LRRFIP1: variants seen among roughly 807,000 people sequenced by gnomAD.
The protein encoded by LRRFIP1 is leucine-rich repeat flightless-interacting protein 1.
In LRRFIP1, 62 loss-of-function variants were observed where a neutral mutation model predicts 104.4. That is an observed-to-expected ratio of 0.59 (90% CI 0.48 to 0.73). The LOEUF is 0.73. Among genes scored for constraint, LRRFIP1 ranks in the 30% least tolerant of loss-of-function variants. The probability of loss-of-function intolerance (pLI) is 0.00; values close to 1 mark genes in which losing one functional copy is unlikely to be tolerated. For synonymous variants in LRRFIP1, 300 were observed against 299.0 expected (o/e 1.00, Z -0.03); for missense variants, 796 against 824.5 (o/e 0.97, Z 0.42).
chr2:237,746,351 G>T (rs577335498), intron 11 of LRRFIP1, among the ~76,000 whole-genome samples: 19 of 152,190 alleles, frequency 1.2e-4, no homozygotes, highest in African/African-American at 4.6e-4. Context: ...GAGCTACCGC[G>T]CCTGGCCTTG....
chr2:237,650,718 TGGA>T (rs2085800907), intron 1 of LRRFIP1, among the ~76,000 whole-genome samples: 1 of 152,104 alleles, frequency 6.6e-6, no homozygotes, highest in African/African-American at 2.4e-5. Context: ...GCTGCAGAGG[TGGA>T]GAAGTATTTG....
rs1446315708 is a variant in LRRFIP1, at chr2:237,769,773, CT to C, written c.1460-169del. 9.0e-5 allele frequency: 55 copies of C among 611,610 alleles called. No individual in the cohort carries two copies. In the Admixed American group the frequency reaches 1.4e-3, roughly 16 times the overall value. The allele number at this position is 611,610 out of a possible 1,614,324, so 37.9% of individuals were successfully genotyped here. ...GGGAGGTTGACCCAACCTCCTTTGG[CT>C]GTGGCCTCATTCACCCCGTCCTGTC... On this transcript the variant is annotated intron_variant, in intron 19 of 23. Coordinates refer to ENST00000308482, the MANE Select transcript of LRRFIP1 (RefSeq NM_001137550.2).
chr2:237,638,295 G>A (rs1817894), intron 1 of LRRFIP1, among the ~76,000 whole-genome samples: 38,828 of 152,076 alleles, frequency 0.26, 5,275 homozygotes, highest in East Asian at 0.43. Flanking sequence ...CCTCATATGC[G>A]CAGTTCACAA....
chr2:237,679,542 A>G (rs936980641), intron 1 of LRRFIP1, among the ~76,000 whole-genome samples: 42 of 152,236 alleles, frequency 2.8e-4, no homozygotes, highest in African/African-American at 8.9e-4. Flanking sequence ...GTCAGTCTCA[A>G]ACTGAGAGTT....
chr2:237,737,196 C>T (rs1450712381), intron 10 of LRRFIP1, among the ~76,000 whole-genome samples: 1 of 152,218 alleles, frequency 6.6e-6, no homozygotes, highest in Non-Finnish European at 1.5e-5. Context: ...TAGTCATCAC[C>T]AGTGGCATTG....
chr2:237,692,828 T>C lies in LRRFIP1; in HGVS notation c.97-15716T>C, dbSNP rs188262237. ...GACAGGCTCTGACCAGGTCTGCGCCTGGCCTGGAGTCACAGGGAGCTGCTA... is the reference window on the plus strand; with the variant it reads ...GACAGGCTCTGACCAGGTCTGCGCCCGGCCTGGAGTCACAGGGAGCTGCTA... On this transcript the variant is annotated intron_variant, in intron 1 of 23. Transcript: ENST00000308482. Among the ~76,000 whole-genome samples the C allele has an allele frequency of 3.1e-3, 470 of 152,384 alleles. 11 individuals are homozygous for C. In the East Asian group the frequency reaches 0.046, roughly 15 times the overall value.
chr2:237,722,918 G>C (rs1041434440), intron 6 of LRRFIP1, among the ~76,000 whole-genome samples: 1 of 152,126 alleles, frequency 6.6e-6, no homozygotes, highest in Non-Finnish European at 1.5e-5. Flanking sequence ...GTGAGGACTG[G>C]CATCTCGCTC....
At chr2:237,675,550 CT>C (rs2091030039) in intron 1 of LRRFIP1, among the ~76,000 whole-genome samples, 1 of 152,186 alleles carries the variant, frequency 6.6e-6, no homozygotes, top group Non-Finnish European at 1.5e-5. Context: ...TTGCCGTTTC[CT>C]GGGCTGGGTT....
At position 237,642,064 on chromosome 2, in the gene LRRFIP1, G is replaced by A. The variant is rs73999199; in HGVS notation, c.96+14324G>A. Among the ~76,000 whole-genome samples the A allele has an allele frequency of 8.0e-3, 1,218 of 152,246 alleles. 19 individuals carry two copies. Among genetic ancestry groups the A allele is most frequent in the African/African-American group, 0.028 (1,148 of 41,540 alleles). ...GTAGAGGGTCAGCATTGGGTGCTGC[G>A]GCCAGGCGACCTCCTCAGACAAGCG... On this transcript the variant is annotated intron_variant, in intron 1 of 23. Transcript: ENST00000308482.
In LRRFIP1 at chr2:237,756,188, G is replaced by A. The variant is rs1490360040; in HGVS notation, c.1131+1G>A. 6.2e-7 allele frequency: 1 copy of A among 1,610,518 alleles called. No individual in the cohort carries two copies. The highest frequency in any genetic ancestry group is 2.2e-5 in the East Asian group (1 of 44,824). ...GAAGCAAAGAGAGGAAATGCTCGAG[G>A]TAGGTAGCATTCTCCTGCTTTTCTT... On this transcript the variant is annotated splice_donor_variant, in intron 16 of 23. Coordinates refer to ENST00000308482, the MANE Select transcript of LRRFIP1 (RefSeq NM_001137550.2). LOFTEE classifies it high-confidence loss of function.
At chr2:237,764,767 A>G (rs973611357) in intron 19 of LRRFIP1, 17 of 986,102 alleles carry the variant, frequency 1.7e-5, no homozygotes, top group Non-Finnish European at 2.0e-5. Context: ...CCTTTACCTC[A>G]TATGAGTCTT....
At chr2:237,696,403 G>A (rs2093188193) in intron 1 of LRRFIP1, among the ~76,000 whole-genome samples, 1 of 152,148 alleles carries the variant, frequency 6.6e-6, no homozygotes, top group South Asian at 2.1e-4. Context: ...GGGTGCCTTA[G>A]CATGCTTGTC....
chr2:237,685,115 C>A (rs56239760), intron 1 of LRRFIP1, among the ~76,000 whole-genome samples: 3 of 25,682 alleles, frequency 1.2e-4, no homozygotes, highest in Non-Finnish European at 2.8e-4. Flanking sequence ...CCCTCCCCCC[C>A]CCACACAAAA....
intron 1 of LRRFIP1, among the ~76,000 whole-genome samples, chr2:237,651,395 A>G (rs1275616698): frequency 6.6e-6 from 1 of 152,252 alleles, no homozygotes; most frequent in Non-Finnish European, 1.5e-5. Flanking sequence ...TATCTAAAAC[A>G]TAATAAACTT....
At chr2:237,700,775 G>A (rs1410328204) in intron 1 of LRRFIP1, among the ~76,000 whole-genome samples, 2 of 152,186 alleles carry the variant, frequency 1.3e-5, no homozygotes, top group Non-Finnish European at 2.9e-5. Context: ...CACATGAGCT[G>A]TATGCCCTGG....
chr2:237,681,547 A>G (rs2091817230), intron 1 of LRRFIP1, among the ~76,000 whole-genome samples: 1 of 151,616 alleles, frequency 6.6e-6, no homozygotes. Flanking sequence ...TTGCATTTTT[A>G]GTAGAGACGG....
At chr2:237,706,680 T>C (rs1559610417) in intron 1 of LRRFIP1, among the ~76,000 whole-genome samples, 2 of 152,102 alleles carry the variant, frequency 1.3e-5, no homozygotes. Context: ...CAGGCTGGAG[T>C]GCAGTGGCAC....
chr2:237,759,503 G>A (rs2059641900), intron 18 of LRRFIP1, among the ~76,000 whole-genome samples: 1 of 152,346 alleles, frequency 6.6e-6, no homozygotes, highest in Middle Eastern at 3.4e-3. Context: ...ACAAGGGAGA[G>A]AGAGCCACAG....
intron 17 of LRRFIP1, among the ~76,000 whole-genome samples, chr2:237,757,806 C>T (rs925582193): frequency 3.9e-5 from 6 of 152,050 alleles, no homozygotes; most frequent in Non-Finnish European, 7.4e-5. Context: ...CTGCCTGCCC[C>T]GTGGCTGGGC....
Sources: allele counts gnomAD v4.1 joint callset (sites outside exome capture counted in the v4.1 genomes callset), GRCh38; gene constraint gnomAD v4.1.1; transcripts MANE v1.5; gene names NCBI Gene and HGNC (gene_info 2026-07-23, HGNC 2026-07-21).